Variants in GRIA3 observed in about 807,000 individuals in gnomAD.
The protein encoded by GRIA3 is glutamate ionotropic receptor AMPA type subunit 3, also known as glutamate receptor 3.
Under a neutral mutation model 63.0 loss-of-function variants are expected in GRIA3, and 3 were observed. That is an observed-to-expected ratio of 0.05 (90% CI 0.02 to 0.12). The LOEUF is 0.12. GRIA3 is among the 10% of genes least tolerant of loss of function. GRIA3 has a pLI of 1.00. For synonymous variants in GRIA3, 274 were observed against 257.9 expected (o/e 1.06, Z -0.60); for missense variants, 347 against 700.9 (o/e 0.50, Z 5.70).
At chrX:123,389,694 G>T (rs1350310242) in intron 5 of GRIA3, among the ~76,000 whole-genome samples, 5 of 29,081 alleles carry the variant, frequency 1.7e-4, no homozygotes, top group African/African-American at 4.5e-4. Context: ...TGTTTTTGTT[G>T]TTGTTGTTGT....
chrX:123,340,552 A>T (rs982526755), intron 4 of GRIA3, among the ~76,000 whole-genome samples: 1 of 112,506 alleles, frequency 8.9e-6, no homozygotes, highest in Non-Finnish European at 1.9e-5. Flanking sequence ...ATGAACCAGA[A>T]TATAAGGCTT....
At chrX:123,431,027 T>TACACACACACAC (rs3050442) in intron 12 of GRIA3, among the ~76,000 whole-genome samples, 4,005 of 99,406 alleles carry the variant, frequency 0.04, 114 homozygotes, top group African/African-American at 0.075. Flanking sequence ...GTAACTCACA[T>TACACACACACAC]ACACACACAC....
rs763848024 is a variant in GRIA3, at chrX:123,248,897, A to ATT, written c.269-4405_269-4404insTT. 5.3e-5 allele frequency among the ~76,000 whole-genome samples: 6 copies of ATT among 112,499 alleles called. No homozygotes were observed. The East Asian group carries it at 1.7e-3, about 31-fold the overall frequency. ...AATCATGACTCCCAAAAGATCACCAATCTGCAACCAGCTCTCACTGCTGTT... is the reference window on the plus strand; with the variant it reads ...AATCATGACTCCCAAAAGATCACCAATTTCTGCAACCAGCTCTCACTGCTGTT... On this transcript the variant is annotated intron_variant, in intron 2 of 15. Transcript: ENST00000620443.
chrX:123,332,203 C>T (rs1038401603), intron 4 of GRIA3, among the ~76,000 whole-genome samples: 1 of 109,908 alleles, frequency 9.1e-6, no homozygotes, highest in South Asian at 3.9e-4. Flanking sequence ...CACTGGGTAA[C>T]ACATATTGAT....
rs756149567 is a variant in GRIA3, at chrX:123,375,042, T to C, written c.751-19926T>C. Among the ~76,000 whole-genome samples the C allele has an allele frequency of 5.4e-5, 6 of 111,816 alleles. No homozygotes were observed. The East Asian group carries it at 1.4e-3, about 26-fold the overall frequency. ...TAGAGGAAATGCTTTCCATTTTTTTTCCCTCCATTCTGTACAATACTAGCT... is the reference window on the plus strand; with the variant it reads ...TAGAGGAAATGCTTTCCATTTTTTTCCCCTCCATTCTGTACAATACTAGCT... On this transcript the variant is annotated intron_variant, in intron 5 of 15. Transcript: ENST00000620443.
At chrX:123,404,388 A>T (rs115490038) in intron 9 of GRIA3, among the ~76,000 whole-genome samples, 1 of 110,584 alleles carries the variant, frequency 9.0e-6, no homozygotes, top group Non-Finnish European at 1.9e-5. Context: ...CTTCACCATC[A>T]TGTAACTAAG....
chrX:123,304,466 G>A (rs1196938441), intron 3 of GRIA3, among the ~76,000 whole-genome samples: 1 of 111,705 alleles, frequency 9.0e-6, no homozygotes, highest in East Asian at 2.8e-4. Flanking sequence ...TATAACTTCA[G>A]TATTATGCAT....
chrX:123,360,743 A>G (rs1467196302), intron 5 of GRIA3, among the ~76,000 whole-genome samples: 2 of 105,336 alleles, frequency 1.9e-5, no homozygotes, highest in African/African-American at 7.0e-5. Context: ...GTTTTGAAAA[A>G]AACCATCCAA....
chrX:123,430,410 T>C (rs2045611240), intron 12 of GRIA3, among the ~76,000 whole-genome samples: 1 of 111,536 alleles, frequency 9.0e-6, no homozygotes, highest in Non-Finnish European at 1.9e-5. Flanking sequence ...CGAATGTTGA[T>C]TATCTAAAAG....
intron 3 of GRIA3, among the ~76,000 whole-genome samples, chrX:123,283,777 T>G (rs1232784490): frequency 1.8e-5 from 2 of 112,608 alleles, no homozygotes; most frequent in African/African-American, 6.5e-5. Context: ...CTCCTATCTC[T>G]CTGGGACAGA....
intron 3 of GRIA3, among the ~76,000 whole-genome samples, chrX:123,299,851 A>T (rs1295764333): frequency 1.8e-5 from 2 of 111,409 alleles, no homozygotes; most frequent in Non-Finnish European, 3.8e-5. Flanking sequence ...ATTCAGTATG[A>T]CATTGGCTGT....
chrX:123,469,103 C>T (rs1336837113), intron 13 of GRIA3, among the ~76,000 whole-genome samples: 3 of 112,592 alleles, frequency 2.7e-5, no homozygotes, highest in South Asian at 3.7e-4. Flanking sequence ...ATAATCACAA[C>T]GCCTGACATT....
chrX:123,204,599 A>G, intron 2 of GRIA3: 1 of 1,127,462 alleles, frequency 8.9e-7, no homozygotes, highest in Non-Finnish European at 1.2e-6. Flanking sequence ...AGATAAAATA[A>G]AAAGATGAAG....
intron 3 of GRIA3, among the ~76,000 whole-genome samples, chrX:123,256,134 T>C (rs1328933482): frequency 1.8e-5 from 2 of 111,332 alleles, no homozygotes; most frequent in Non-Finnish European, 3.8e-5. Context: ...ATGGTAATCA[T>C]GTCCATTCTT....
At chrX:123,301,714 G>T (rs2044724170) in intron 3 of GRIA3, among the ~76,000 whole-genome samples, 2 of 111,547 alleles carry the variant, frequency 1.8e-5, no homozygotes, top group African/African-American at 6.5e-5. Flanking sequence ...TGACTACAGA[G>T]CTCACACTTT....
intron 2 of GRIA3, among the ~76,000 whole-genome samples, chrX:123,235,473 C>T (rs1057406250): frequency 4.5e-5 from 5 of 111,584 alleles, no homozygotes; most frequent in African/African-American, 1.6e-4. Context: ...CATAAGCATA[C>T]AGCAATCCAA....
intron 5 of GRIA3, among the ~76,000 whole-genome samples, chrX:123,392,008 G>A (rs752652986): frequency 8.9e-6 from 1 of 112,075 alleles, no homozygotes; most frequent in East Asian, 2.8e-4. Context: ...CCATCTGGTG[G>A]TGCACGTGGG....
rs142277093 is a variant in GRIA3 at position 123,479,790 on chromosome X, C to A, written c.2325-273C>A. 1.3e-4 allele frequency among the ~76,000 whole-genome samples: 15 copies of A among 112,282 alleles called. No individual in the cohort carries two copies. In the East Asian group the frequency reaches 4.2e-3, roughly 31 times the overall value. ...CTGAGGGGAGACCCTCCTCACCACACACAACCTATCTGAGGAGTGCCTTTT... is the reference window on the plus strand; with the variant it reads ...CTGAGGGGAGACCCTCCTCACCACAAACAACCTATCTGAGGAGTGCCTTTT... On this transcript the variant is annotated intron_variant, in intron 13 of 15. Coordinates refer to ENST00000620443, the MANE Select transcript of GRIA3 (RefSeq NM_007325.5).
chrX:123,379,404 C>G (rs1241441927), intron 5 of GRIA3, among the ~76,000 whole-genome samples: 19 of 110,733 alleles, frequency 1.7e-4, no homozygotes, highest in Non-Finnish European at 1.9e-5. Context: ...CAAAGAGGAC[C>G]AGGAGCCTGA....
Sources: gnomAD v4.1 joint callset for allele counts (sites outside exome capture counted in the v4.1 genomes callset) on GRCh38, gnomAD v4.1.1 for gene constraint, MANE v1.5 for transcripts, NCBI Gene and HGNC (gene_info 2026-07-23, HGNC 2026-07-21) for gene names.